The following CDYL2 variants were observed in gnomAD, a reference collection of about 807,000 sequenced individuals.
CDYL2 encodes chromodomain Y like 2.
In CDYL2, 23 loss-of-function variants were observed where a neutral mutation model predicts 49.4. The ratio of observed to expected loss-of-function variants is 0.47; its 90% CI spans 0.34 to 0.66. The LOEUF (loss-of-function observed/expected upper bound fraction) is 0.66, where lower values mean the gene tolerates loss of function less well. CDYL2 is among the 30% of genes least tolerant of loss of function. The pLI is 0.01. For missense variants in CDYL2, 678 were observed against 656.4 expected (o/e 1.03, Z -0.36); for synonymous variants, 360 against 268.8 (o/e 1.34, Z -3.32).
At chr16:80,705,023 G>A (rs541744502) in intron 1 of CDYL2, among the ~76,000 whole-genome samples, 14 of 152,304 alleles carry the variant, frequency 9.2e-5, no homozygotes, top group African/African-American at 2.9e-4. Flanking sequence ...TGAGTTCCTC[G>A]TGGGCAGATG....
chr16:80,703,582 G>A (rs1350311390), intron 1 of CDYL2, among the ~76,000 whole-genome samples: 1 of 152,124 alleles, frequency 6.6e-6, no homozygotes, highest in East Asian at 1.9e-4. Context: ...ACCCTGTGGT[G>A]GCTCAGGCCA....
rs1251689764 is a variant in CDYL2 at position 80,603,438 on chromosome 16, G to A, written c.*950C>T. ...AGATGTCTCCTAAGGACAAACCTAA[G>A]GAACTAGTATTCTATTATTACAGCT... On this transcript the variant is annotated 3_prime_UTR_variant, in exon 7 of 7. Transcript: ENST00000570137. 2 of 152,152 alleles carry A rather than the reference G, an allele frequency of 1.3e-5. No homozygotes were observed. Among genetic ancestry groups the A allele is most frequent in the Non-Finnish European group, 2.9e-5 (2 of 68,024 alleles). The allele number at this position is 152,152 out of a possible 1,614,324, so 9.4% of individuals were successfully genotyped here.
intron 1 of CDYL2, among the ~76,000 whole-genome samples, chr16:80,710,677 C>T (rs992819623): frequency 6.6e-6 from 1 of 151,970 alleles, no homozygotes; most frequent in Admixed American, 6.6e-5. Flanking sequence ...TGTATTGTCA[C>T]GATAGGATTG....
At chr16:80,652,626 T>C (rs1008080418) in intron 2 of CDYL2, among the ~76,000 whole-genome samples, 2 of 152,142 alleles carry the variant, frequency 1.3e-5, no homozygotes, top group African/African-American at 4.8e-5. Flanking sequence ...GAAGTAACCC[T>C]ACAGTGGAGA....
At position 80,794,598 on chromosome 16, in the gene CDYL2, A is replaced by ATTT. The variant is rs966789395; in HGVS notation, c.24+9549_24+9551dup. On this transcript the variant is annotated intron_variant, in intron 1 of 6. Coordinates refer to ENST00000570137, the MANE Select transcript of CDYL2 (RefSeq NM_152342.4). ...TTTTTTAATTATTACATTCCCAGTG[A>ATTT]TTTTTTTTTTTTTTTTTTTTTTTTT... Among the ~76,000 whole-genome samples, 96 of 66,870 alleles carry ATTT rather than the reference A, an allele frequency of 1.4e-3. 3 individuals are homozygous for ATTT. The highest frequency in any genetic ancestry group is 1.8e-3 in the Non-Finnish European group (62 of 33,692). 43.9% of individuals were successfully genotyped at this position (66,870 alleles called of 152,430 possible). A position where few individuals can be genotyped will look rare whatever the true frequency, so the allele number is the denominator to read the frequency against.
chr16:80,744,183 T>G (rs1342463091), intron 1 of CDYL2, among the ~76,000 whole-genome samples: 1 of 152,306 alleles, frequency 6.6e-6, no homozygotes, highest in East Asian at 1.9e-4. Context: ...ATCAGTGTGA[T>G]TCTAAGTCCA....
chr16:80,688,298 T>A (rs967821683), intron 1 of CDYL2, among the ~76,000 whole-genome samples: 2 of 152,132 alleles, frequency 1.3e-5, no homozygotes, highest in Non-Finnish European at 2.9e-5. Flanking sequence ...AACAGGACCA[T>A]CTCTAATAGC....
At chr16:80,619,901 C>T (rs1331925362) in intron 4 of CDYL2, among the ~76,000 whole-genome samples, 1 of 152,198 alleles carries the variant, frequency 6.6e-6, no homozygotes. Flanking sequence ...ATCAGCCTCC[C>T]TCTGTGTGGC....
At chr16:80,739,832 G>A (rs1905673524) in intron 1 of CDYL2, among the ~76,000 whole-genome samples, 1 of 152,196 alleles carries the variant, frequency 6.6e-6, no homozygotes, top group African/African-American at 2.4e-5. Flanking sequence ...TCACACTGGG[G>A]ACCTGCTGTC....
chr16:80,795,184 C>T (rs964824254), intron 1 of CDYL2, among the ~76,000 whole-genome samples: 4 of 152,234 alleles, frequency 2.6e-5, no homozygotes, highest in Admixed American at 2.6e-4. Flanking sequence ...AGGGCAGTGG[C>T]CTCTCAATAG....
intron 3 of CDYL2, among the ~76,000 whole-genome samples, chr16:80,629,296 C>T (rs1397276938): frequency 1.3e-5 from 2 of 152,182 alleles, no homozygotes; most frequent in East Asian, 1.9e-4. Context: ...CGGCTAATTA[C>T]AGCAGTCCAG....
At chr16:80,658,565 T>C (rs902860036) in intron 2 of CDYL2, among the ~76,000 whole-genome samples, 1 of 152,156 alleles carries the variant, frequency 6.6e-6, no homozygotes, top group Non-Finnish European at 1.5e-5. Flanking sequence ...AGAAATAGGA[T>C]TCTCTCTGTG....
chr16:80,774,649 T>C (rs959386026), intron 1 of CDYL2, among the ~76,000 whole-genome samples: 2 of 152,150 alleles, frequency 1.3e-5, no homozygotes, highest in African/African-American at 4.8e-5. Flanking sequence ...CAAGACATCA[T>C]ACTGTACCCC....
intron 2 of CDYL2, among the ~76,000 whole-genome samples, chr16:80,641,764 G>T (rs1358215712): frequency 9.1e-6 from 1 of 109,366 alleles, no homozygotes. Context: ...GGGGGAGGGG[G>T]GAGGGATAGC....
chr16:80,661,856 G>C (rs1005370193), intron 2 of CDYL2, among the ~76,000 whole-genome samples: 4 of 152,196 alleles, frequency 2.6e-5, no homozygotes, highest in Non-Finnish European at 5.9e-5. Context: ...GGATAAGCCT[G>C]AGATGTATTC....
chr16:80,608,675 G>C (rs552468243), intron 5 of CDYL2, among the ~76,000 whole-genome samples: 1 of 152,168 alleles, frequency 6.6e-6, no homozygotes, highest in East Asian at 1.9e-4. Context: ...TGCAGGTGTG[G>C]TGGAAAAGTC....
chr16:80,802,041 TA>T (rs11298125), intron 1 of CDYL2, among the ~76,000 whole-genome samples: 39,823 of 152,010 alleles, frequency 0.26, 5,987 homozygotes, highest in African/African-American at 0.42. Context: ...TTGTCCTCCT[TA>T]ACTGAAATTC....
chr16:80,683,211 C>T (rs1020471963), intron 2 of CDYL2, among the ~76,000 whole-genome samples: 2 of 152,214 alleles, frequency 1.3e-5, no homozygotes, highest in Non-Finnish European at 2.9e-5. Flanking sequence ...ATCTGATGGC[C>T]CTGCCCTGTT....
At chr16:80,711,761 T>C (rs1904603672) in intron 1 of CDYL2, among the ~76,000 whole-genome samples, 1 of 152,114 alleles carries the variant, frequency 6.6e-6, no homozygotes, top group Non-Finnish European at 1.5e-5. Context: ...TCAGTAAATC[T>C]GAAGCATAGT....
Sources: gnomAD v4.1 joint callset for allele counts (sites outside exome capture counted in the v4.1 genomes callset) on GRCh38, gnomAD v4.1.1 for gene constraint, MANE v1.5 for transcripts, NCBI Gene and HGNC (gene_info 2026-07-23, HGNC 2026-07-21) for gene names.